The following TNFAIP2 variants were observed in gnomAD, a reference collection of about 807,000 sequenced individuals.
The protein encoded by TNFAIP2 is TNF alpha induced protein 2.
TNFAIP2 carries 47 observed loss-of-function variants against 63.5 expected under a neutral mutation model. That is an observed-to-expected ratio of 0.74 (90% CI 0.59 to 0.94). The LOEUF is 0.94. Among genes scored for constraint, TNFAIP2 ranks in the 40% least tolerant of loss-of-function variants. The probability of loss-of-function intolerance (pLI) is 0.00; values close to 1 mark genes in which losing one functional copy is unlikely to be tolerated. For missense variants in TNFAIP2, 787 were observed against 850.2 expected (o/e 0.93, Z 0.92); for synonymous variants, 405 against 390.2 (o/e 1.04, Z -0.45).
chr14:103,135,160 G>T lies in TNFAIP2; in HGVS notation c.1824-59G>T. ...CTGTGGCACTGGCCGGGAGTGCAGG[G>T]AGCTGGTGAGTAGGGGTGTGGGTGA... is the stretch of plus-strand genomic sequence containing the variant. On this transcript the variant is annotated intron_variant, in intron 11 of 11. Coordinates refer to ENST00000560869, the MANE Select transcript of TNFAIP2 (RefSeq NM_006291.4). This position sits in a 1 kb window ranked among gnomAD's most constrained non-coding sequence, Gnocchi z 7.6. The T allele has an allele frequency of 1.2e-6, 2 of 1,610,374 alleles. No homozygotes were observed. The highest frequency in any genetic ancestry group is 1.1e-5 in the South Asian group (1 of 90,952).
upstream of TNFAIP2, among the ~76,000 whole-genome samples, chr14:103,121,732 A>C (rs1484412083): frequency 2.0e-5 from 3 of 152,116 alleles, no homozygotes; most frequent in Admixed American, 6.5e-5. Context: ...TCAGTGGGGG[A>C]CAAGGGTGGC....
At position 103,131,652 on chromosome 14, in the gene TNFAIP2, C is replaced by T. The variant is rs778520719; in HGVS notation, c.1312C>T (p.Gln438Ter). 1.3e-6 allele frequency: 2 copies of T among 1,596,980 alleles called. No homozygotes were observed. The highest frequency in any genetic ancestry group is 1.3e-5 in the African/African-American group (1 of 74,686). ...NCLSFRMSME[Q>*]NWQVPQDTLS... The stretch of plus-strand genomic sequence containing the variant: ...TCCACCTTCCAGGATGTCCATGGAG[C>T]AGAATTGGCAGGTACCCCAGGACAC... Residue 438 changes from glutamine (Q) to a stop codon, truncating the protein, a stop_gained, in exon 8 of 12, where the codon CAG (glutamine) becomes TAG (stop). Transcript: ENST00000560869. LOFTEE classifies it high-confidence loss of function. The surrounding 1 kb of genome is among the most constrained non-coding windows in gnomAD (Gnocchi z 4.0).
chr14:103,131,638 G>C lies in TNFAIP2; in HGVS notation c.1299-1G>C. Reference sequence around the variant, plus strand: ...GTGACCTCTCTGCCTCCACCTTCCAGGATGTCCATGGAGCAGAATTGGCAG... The same window carrying C: ...GTGACCTCTCTGCCTCCACCTTCCACGATGTCCATGGAGCAGAATTGGCAG... On this transcript the variant is annotated splice_acceptor_variant, in intron 7 of 11. Coordinates refer to ENST00000560869, the MANE Select transcript of TNFAIP2 (RefSeq NM_006291.4). LOFTEE classifies it high-confidence loss of function. This position sits in a 1 kb window ranked among gnomAD's most constrained non-coding sequence, Gnocchi z 4.0. 1.3e-6 allele frequency: 2 copies of C among 1,590,794 alleles called. No individual in the cohort carries two copies. The highest frequency in any genetic ancestry group is 1.7e-6 in the Non-Finnish European group (2 of 1,174,444).
Position 103,135,968 on chromosome 14 carries a change from C to T in TNFAIP2, c.*608C>T, listed in dbSNP as rs761477043. 30 of 1,289,522 alleles carry T rather than the reference C, an allele frequency of 2.3e-5. 1 individual carries two copies. In the South Asian group the frequency reaches 2.8e-4, roughly 12 times the overall value. The allele number at this position is 1,289,522 out of a possible 1,614,324, so 79.9% of individuals were successfully genotyped here. A position where few individuals can be genotyped will look rare whatever the true frequency, so the allele number is the denominator to read the frequency against. ...TAGACGTCACATCCAGGTGGCCCCACGGCCCCTACAGGCTGGCCCTGCAAT... is the reference window on the plus strand; with the variant it reads ...TAGACGTCACATCCAGGTGGCCCCATGGCCCCTACAGGCTGGCCCTGCAAT... On this transcript the variant is annotated 3_prime_UTR_variant, in exon 12 of 12. Coordinates refer to ENST00000560869, the MANE Select transcript of TNFAIP2 (RefSeq NM_006291.4). The surrounding 1 kb of genome is among the most constrained non-coding windows in gnomAD (Gnocchi z 7.6).
upstream of TNFAIP2, chr14:103,122,946 C>G: frequency 2.5e-6 from 1 of 398,016 alleles, no homozygotes; most frequent in South Asian, 1.8e-5. Flanking sequence ...GCACTCTGGC[C>G]AGCCTTGTAG....
Position 103,127,037 on chromosome 14 carries a change from C to A in TNFAIP2, c.268C>A (p.Gln90Lys), listed in dbSNP as rs1174313152. ...GCTGAAGGCGGCGCTGGAGCGCGGGCAGCTGGAGGCGGCGCGGCCGCTGCT... is the reference window on the plus strand; with the variant it reads ...GCTGAAGGCGGCGCTGGAGCGCGGGAAGCTGGAGGCGGCGCGGCCGCTGCT... ...EELKAALERG[Q>K]LEAARPLLAL... Residue 90 changes from glutamine to lysine, a missense_variant, in exon 3 of 12, where the codon CAG becomes AAG. Physicochemically the swap from Gln to Lys is moderately conservative, Grantham distance 53. This residue lies in a region of TNFAIP2 where 258 missense variants were observed against 228.9 expected (regional missense o/e 1.13). Transcript: ENST00000560869. The surrounding 1 kb of genome is among the most constrained non-coding windows in gnomAD (Gnocchi z 5.1). The A allele has an allele frequency of 1.7e-6, 2 of 1,162,992 alleles. No individual in the cohort carries two copies. The highest frequency in any genetic ancestry group is 2.1e-6 in the Non-Finnish European group (2 of 942,608). The allele number at this position is 1,162,992 out of a possible 1,614,324, so 72.0% of individuals were successfully genotyped here.
rs779950990 is a variant in TNFAIP2 at position 103,136,027 on chromosome 14, G to A, written c.*667G>A. On this transcript the variant is annotated 3_prime_UTR_variant, in exon 12 of 12. Transcript: ENST00000560869. ...GAGCCCTCCCTCTTCATCCCCCAAG[G>A]CCTCAACTAGAGGGTGGTCCCCCGA... The A allele has an allele frequency of 3.7e-5, 47 of 1,279,490 alleles. No individual in the cohort carries two copies. The African/African-American group carries it at 6.1e-4, about 17-fold the overall frequency. 79.3% of individuals were successfully genotyped at this position (1,279,490 alleles called of 1,614,324 possible). A position where few individuals can be genotyped will look rare whatever the true frequency, so the allele number is the denominator to read the frequency against.
At position 103,135,865 on chromosome 14, in the gene TNFAIP2, GA is replaced by G; in HGVS notation, c.*506del. 7.7e-7 allele frequency: 1 copy of G among 1,290,564 alleles called. No individual in the cohort carries two copies. Among genetic ancestry groups the G allele is most frequent in the South Asian group, 1.2e-5 (1 of 81,046 alleles). 79.9% of individuals were successfully genotyped at this position (1,290,564 alleles called of 1,614,324 possible). ...GGTGGAATGGAAGACAGAACTGGAA[GA>G]GAAAGAAGGAAAAGATGAGCTCTCG... On this transcript the variant is annotated 3_prime_UTR_variant, in exon 12 of 12. Coordinates refer to ENST00000560869, the MANE Select transcript of TNFAIP2 (RefSeq NM_006291.4). This position sits in a 1 kb window ranked among gnomAD's most constrained non-coding sequence, Gnocchi z 7.6.
chr14:103,131,060 G>A lies in TNFAIP2; in HGVS notation c.1208G>A (p.Arg403His), dbSNP rs751927499. The A allele has an allele frequency of 3.9e-5, 63 of 1,614,184 alleles. No homozygotes were observed. The highest frequency in any genetic ancestry group is 5.5e-5 in the South Asian group (5 of 91,086). Residue 403 changes from arginine to histidine, a missense_variant, in exon 7 of 12, where the codon CGC (arginine) becomes CAC (histidine). This residue lies in a region of TNFAIP2 where 523 missense variants were observed against 604.1 expected (regional missense o/e 0.87). Coordinates refer to ENST00000560869, the MANE Select transcript of TNFAIP2 (RefSeq NM_006291.4). The surrounding 1 kb of genome is among the most constrained non-coding windows in gnomAD (Gnocchi z 4.0). ...ELPAFLRSYQ[R>H]AFNEFLERGK... ...CCTTCTGGTTTCGCCAGCTACCAGC[G>A]CGCCTTTAATGAATTTCTGGAGAGA...
chr14:103,122,873 C>T (rs530884661), upstream of TNFAIP2: 1 of 454,796 alleles, frequency 2.2e-6, no homozygotes, highest in African/African-American at 2.0e-5. Context: ...TCCGCATTTA[C>T]GCATTTCAAG....
chr14:103,129,854 G>A lies in TNFAIP2; in HGVS notation c.975G>A (p.Ala325=), dbSNP rs1411941647. The part of the protein sequence containing the change: ...LLEATFLSSE[A]ANVRELMDRA... Reference sequence around the variant, plus strand: ...AGGCCACATTCCTGTCCAGTGAGGCGGTGAGTCTCCACCTGGGCCAGGGAG... The same window carrying A: ...AGGCCACATTCCTGTCCAGTGAGGCAGTGAGTCTCCACCTGGGCCAGGGAG... Residue 325 remains alanine, a splice_region_variant and synonymous_variant, in exon 4 of 12, where the codon GCG becomes GCA. Coordinates refer to ENST00000560869, the MANE Select transcript of TNFAIP2 (RefSeq NM_006291.4). The A allele has an allele frequency of 6.2e-6, 10 of 1,613,456 alleles. No homozygotes were observed. The highest frequency in any genetic ancestry group is 1.7e-5 in the Admixed American group (1 of 59,990).
rs1345921590 is a variant in TNFAIP2, at chr14:103,127,344, G to A, written c.575G>A (p.Arg192His). Residue 192 changes from arginine to histidine, a missense_variant, in exon 3 of 12, where the codon CGC becomes CAC. Physicochemically the swap from Arg to His is conservative, Grantham distance 29. Transcript: ENST00000560869. This position sits in a 1 kb window ranked among gnomAD's most constrained non-coding sequence, Gnocchi z 5.1. ...CGGCGCTGGCTGCAGCTGTGGCGGC[G>A]CGGCGTGGCGGAGGCGGCCGAGGAG... ...RPRRWLQLWR[R>H]GVAEAAEERM... is the part of the protein sequence containing the mutation. The A allele has an allele frequency of 5.0e-6, 6 of 1,202,970 alleles. No homozygotes were observed. The highest frequency in any genetic ancestry group is 6.2e-6 in the Non-Finnish European group (6 of 964,702). The allele number at this position is 1,202,970 out of a possible 1,614,324, so 74.5% of individuals were successfully genotyped here. A position where few individuals can be genotyped will look rare whatever the true frequency, so the allele number is the denominator to read the frequency against.
chr14:103,122,367 C>T (rs540548993), upstream of TNFAIP2, among the ~76,000 whole-genome samples: 2 of 152,198 alleles, frequency 1.3e-5, no homozygotes, highest in South Asian at 2.1e-4. Flanking sequence ...GAAGGGGTGG[C>T]GGAGTGATCA....
chr14:103,122,484 C>T (rs1891148171), upstream of TNFAIP2: 1 of 353,802 alleles, frequency 2.8e-6, no homozygotes, highest in South Asian at 2.0e-5. Context: ...TGGGTCCTTT[C>T]CAGAGGGCAG....
At chr14:103,122,949 C>A, upstream of TNFAIP2, 2 of 383,904 alleles carry the variant, frequency 5.2e-6, no homozygotes, top group South Asian at 1.9e-5. Context: ...CTCTGGCCAG[C>A]CTTGTAGCCC....
intron 9 of TNFAIP2, 89 bp downstream of exon 9, chr14:103,132,961 CAT>C: frequency 1.3e-6 from 2 of 1,564,846 alleles, no homozygotes; most frequent in African/African-American, 1.3e-5. Flanking sequence ...CACTCACGCA[CAT>C]GTGCTCACAC....
intron 11 of TNFAIP2, among the ~76,000 whole-genome samples, chr14:103,134,936 G>A (rs1187536253): frequency 6.6e-6 from 1 of 152,252 alleles, no homozygotes; most frequent in Non-Finnish European, 1.5e-5. Context: ...CCTTTTGGGG[G>A]TGGACATCTT....
intron 1 of TNFAIP2, 21 bp from the exon 2 acceptor site, chr14:103,126,289 G>GC: frequency 6.8e-6 from 4 of 585,980 alleles, no homozygotes; most frequent in Non-Finnish European, 9.2e-6. Flanking sequence ...GACCACTGAT[G>GC]CCTTCACCCC....
At chr14:103,133,168 G>GCA (rs2088020287) in intron 9 of TNFAIP2, among the ~76,000 whole-genome samples, 194 bp from the exon 10 acceptor site, 1 of 151,818 alleles carries the variant, frequency 6.6e-6, no homozygotes, top group African/African-American at 2.4e-5. Flanking sequence ...ACACGTGAAC[G>GCA]CATGCACATG....
Sources: allele counts gnomAD v4.1 joint callset (sites outside exome capture counted in the v4.1 genomes callset), GRCh38; gene constraint gnomAD v4.1.1; regional missense constraint gnomAD v4.1.1; non-coding constraint Gnocchi (gnomAD v3.1); transcripts MANE v1.5; gene names NCBI Gene and HGNC (gene_info 2026-07-23, HGNC 2026-07-21).